The following TPD52 variants were observed in gnomAD, a reference collection of about 807,000 sequenced individuals.
The protein encoded by TPD52 is prostate and colon associated protein.
In TPD52, 17 loss-of-function variants were observed where a neutral mutation model predicts 31.3. The observed-to-expected ratio is 0.54, with a 90% CI of 0.37 to 0.82. The LOEUF (loss-of-function observed/expected upper bound fraction) is 0.82. Among genes scored for constraint, TPD52 ranks in the 40% least tolerant of loss-of-function variants. The probability of loss-of-function intolerance (pLI) is 0.00; values close to 1 mark genes in which losing one functional copy is unlikely to be tolerated. For missense variants in TPD52, 212 were observed against 240.1 expected, an observed-to-expected ratio of 0.88 and a Z score of 0.77; for synonymous variants, 83 against 89.6, an observed-to-expected ratio of 0.93 and a Z score of 0.42.
rs202061225 is a variant in TPD52, at chr8:80,072,794, C to CATAT, written c.20-8202_20-8201insATAT. On this transcript the variant is annotated intron_variant, in intron 1 of 7. Coordinates refer to ENST00000518937, the MANE Select transcript of TPD52 (RefSeq NM_001025253.3). ...ACATATATATACACATACACACACA[C>CATAT]ACACATATATATATATATATAAACT... 8.1e-3 allele frequency among the ~76,000 whole-genome samples: 1,152 copies of CATAT among 141,938 alleles called. 52 individuals carry two copies. Among genetic ancestry groups the CATAT allele is most frequent in the African/African-American group, 0.033 (1,098 of 32,824 alleles). The allele number at this position is 141,938 out of a possible 152,430, so 93.1% of individuals were successfully genotyped here.
At chr8:80,082,691 CCAG>C (rs1185589466) in intron 1 of TPD52, among the ~76,000 whole-genome samples, 2 of 152,210 alleles carry the variant, frequency 1.3e-5, no homozygotes, top group African/African-American at 4.8e-5. Context: ...CCCTCTTCTC[CCAG>C]CAGCAGCACA....
intron 1 of TPD52, among the ~76,000 whole-genome samples, chr8:80,153,128 A>G (rs1022861558): frequency 6.6e-6 from 1 of 152,206 alleles, no homozygotes; most frequent in African/African-American, 2.4e-5. Flanking sequence ...TCTTACTTCT[A>G]TGCTTTCACA....
At chr8:80,164,047 A>G (rs1811547729) in intron 1 of TPD52, among the ~76,000 whole-genome samples, 1 of 148,358 alleles carries the variant, frequency 6.7e-6, no homozygotes, top group African/African-American at 2.5e-5. Context: ...AGAGAGAGAG[A>G]GAGAGAGACA....
intron 1 of TPD52, among the ~76,000 whole-genome samples, chr8:80,141,797 C>T (rs1458343991): frequency 6.6e-6 from 1 of 152,032 alleles, no homozygotes; most frequent in East Asian, 1.9e-4. Context: ...GTTGTCCCAG[C>T]TACTTGGGAA....
chr8:80,088,861 A>G (rs1171630606), intron 1 of TPD52, among the ~76,000 whole-genome samples: 1 of 152,166 alleles, frequency 6.6e-6, no homozygotes, highest in East Asian at 1.9e-4. Context: ...GGACATAGCT[A>G]ATTTTTTGTA....
intron 3 of TPD52, chr8:80,051,852 C>A: frequency 6.9e-6 from 3 of 434,996 alleles, no homozygotes; most frequent in South Asian, 5.5e-5. Flanking sequence ...CCTAGTCCAG[C>A]CAGAAAGACA....
chr8:80,166,892 C>T (rs1271034209), intron 1 of TPD52, among the ~76,000 whole-genome samples: 2 of 151,778 alleles, frequency 1.3e-5, no homozygotes, highest in South Asian at 2.1e-4. Flanking sequence ...GGTGGCAGAG[C>T]GAGACACTGT....
chr8:80,116,701 GAC>G (rs975380040), intron 1 of TPD52, among the ~76,000 whole-genome samples: 1 of 151,282 alleles, frequency 6.6e-6, no homozygotes, highest in Non-Finnish European at 1.5e-5. Context: ...ACAAGAAAAC[GAC>G]AGACTAGTAT....
intron 1 of TPD52, among the ~76,000 whole-genome samples, chr8:80,072,815 A>AT (rs1586229273): frequency 6.6e-6 from 1 of 151,146 alleles, no homozygotes; most frequent in African/African-American, 2.5e-5. Flanking sequence ...ATATATATAT[A>AT]AACTTGGCCA....
Position 80,037,327 on chromosome 8 carries a change from TAC to T in TPD52, c.*787_*788del, listed in dbSNP as rs1405636060. 1.3e-5 allele frequency: 2 copies of T among 152,306 alleles called. No homozygotes were observed. Among genetic ancestry groups the T allele is most frequent in the African/African-American group, 2.4e-5 (1 of 41,448 alleles). 9.4% of individuals were successfully genotyped at this position (152,306 alleles called of 1,614,324 possible). ...TGTTCATAGTTCAACCTACTGAACA[TAC>T]AGTGTGCTTGATTCAGAATGTTATT... On this transcript the variant is annotated 3_prime_UTR_variant, in exon 8 of 8. Transcript: ENST00000518937.
At chr8:80,074,726 G>A (rs1364970013) in intron 1 of TPD52, among the ~76,000 whole-genome samples, 1 of 152,198 alleles carries the variant, frequency 6.6e-6, no homozygotes, top group Admixed American at 6.5e-5. Context: ...CATCTAAGAG[G>A]ATGCTGTCTG....
In TPD52 at chr8:80,042,663, G is replaced by C; in HGVS notation, c.461C>G (p.Ser154Cys). ...HSISMPAMRN[S>C]PTFKSFEEKV... Reference sequence around the variant, plus strand: ...TTCTTCAAATGATTTAAAAGTTGGGGAGTTTCTATGGAGAGAAAAGAAAAA... The same window carrying C: ...TTCTTCAAATGATTTAAAAGTTGGGCAGTTTCTATGGAGAGAAAAGAAAAA... The change falls in exon 7 of 8, where the codon TCC (serine) becomes TGC (cysteine). Residue 154 changes from serine (S) to cysteine (C), a missense_variant. By Grantham distance (112) the Ser-to-Cys change is moderately radical. Transcript: ENST00000518937. The C allele has an allele frequency of 6.2e-7, 1 of 1,610,446 alleles. No individual in the cohort carries two copies. The highest frequency in any genetic ancestry group is 8.5e-7 in the Non-Finnish European group (1 of 1,178,424).
chr8:80,162,617 A>G (rs1354944435), intron 1 of TPD52, among the ~76,000 whole-genome samples: 1 of 151,652 alleles, frequency 6.6e-6, no homozygotes, highest in Non-Finnish European at 1.5e-5. Flanking sequence ...AGAAAGACTC[A>G]ATCTCTTAAA....
chr8:80,146,952 T>C (rs1345553172), intron 1 of TPD52, among the ~76,000 whole-genome samples: 1 of 152,186 alleles, frequency 6.6e-6, no homozygotes, highest in Non-Finnish European at 1.5e-5. Flanking sequence ...CCTGTGAACT[T>C]GCTAAAAATG....
chr8:80,042,158 G>T, intron 7 of TPD52: 4 of 983,430 alleles, frequency 4.1e-6, no homozygotes, highest in Non-Finnish European at 3.6e-6. Context: ...ACTGATACAG[G>T]AAAATGATTA....
chr8:80,042,878 T>G (rs1274594733), intron 6 of TPD52: 2 of 446,100 alleles, frequency 4.5e-6, no homozygotes, highest in African/African-American at 4.0e-5. Context: ...TGCATTTGAT[T>G]CCATGAACAG....
chr8:80,086,116 A>T (rs200049133), intron 1 of TPD52, among the ~76,000 whole-genome samples: 1,245 of 60,030 alleles, frequency 0.021, no homozygotes, highest in East Asian at 0.031. Context: ...TTTTTTTTTT[A>T]GTTTTTTTTT....
At chr8:80,134,794 C>A (rs565909162) in intron 1 of TPD52, among the ~76,000 whole-genome samples, 20 of 152,330 alleles carry the variant, frequency 1.3e-4, no homozygotes, top group African/African-American at 4.3e-4. Context: ...GTCAACTTGA[C>A]CACAGTCTCA....
intron 6 of TPD52, chr8:80,042,951 A>C (rs914810298): frequency 4.2e-6 from 1 of 240,618 alleles, no homozygotes; most frequent in Middle Eastern, 1.4e-3. Flanking sequence ...GAGGTAACGA[A>C]GCCGGGTAAA....
Sources: gnomAD v4.1 joint callset for allele counts (sites outside exome capture counted in the v4.1 genomes callset) on GRCh38, gnomAD v4.1.1 for gene constraint, MANE v1.5 for transcripts, NCBI Gene and HGNC (gene_info 2026-07-23, HGNC 2026-07-21) for gene names.